The following KIT variants were observed in gnomAD, a reference collection of about 807,000 sequenced individuals.
KIT encodes KIT proto-oncogene, receptor tyrosine kinase.
KIT carries 16 observed loss-of-function variants against 105.7 expected under a neutral mutation model. That is an observed-to-expected ratio of 0.15 (90% CI 0.10 to 0.23). The LOEUF is 0.23. Ranked by LOEUF, KIT falls within the 10% of genes least tolerant of loss-of-function variation. The probability of loss-of-function intolerance (pLI) is 1.00; values close to 1 mark genes in which losing one functional copy is unlikely to be tolerated. For missense variants in KIT, 858 were observed against 1,213.8 expected, an observed-to-expected ratio of 0.71 and a Z score of 4.36; for synonymous variants, 438 against 441.1, an observed-to-expected ratio of 0.99 and a Z score of 0.09.
chr4:54,670,710 C>T (rs1718041921), intron 1 of KIT, among the ~76,000 whole-genome samples: 1 of 152,130 alleles, frequency 6.6e-6, no homozygotes, highest in Non-Finnish European at 1.5e-5. Flanking sequence ...ACTAGAACTC[C>T]TCTCTCCCAA....
rs370661908 is a variant in KIT at position 54,729,328 on chromosome 4, C to T, written c.1991-7C>T. The T allele has an allele frequency of 3.7e-6, 6 of 1,613,090 alleles. No homozygotes were observed. The African/African-American group carries it at 8.0e-5, about 22-fold the overall frequency. ...CTTCTTTCTAACCTTTTCTTATGTG[C>T]TTTTAGGGCCCACCCTGGTCATTAC... On this transcript the variant is annotated splice_polypyrimidine_tract_variant and splice_region_variant and intron_variant, in intron 13 of 20. Transcript: ENST00000288135.
chr4:54,720,302 A>T (rs1721786276), intron 7 of KIT, among the ~76,000 whole-genome samples: 1 of 152,162 alleles, frequency 6.6e-6, no homozygotes, highest in South Asian at 2.1e-4. Context: ...AAAGCTGCTC[A>T]ATTAGCCTCA....
chr4:54,690,613 G>C (rs1234309441), intron 1 of KIT, among the ~76,000 whole-genome samples: 1 of 152,174 alleles, frequency 6.6e-6, no homozygotes, highest in African/African-American at 2.4e-5. Context: ...ATTAGCCTTA[G>C]CCAAACATAA....
intron 7 of KIT, among the ~76,000 whole-genome samples, chr4:54,715,342 G>A (rs1721414132): frequency 6.9e-6 from 1 of 145,004 alleles, no homozygotes; most frequent in South Asian, 2.3e-4. Context: ...ATCCCAGGTA[G>A]ACTATCAGTG....
At chr4:54,671,490 A>G (rs994338317) in intron 1 of KIT, among the ~76,000 whole-genome samples, 5 of 152,204 alleles carry the variant, frequency 3.3e-5, no homozygotes, top group African/African-American at 1.2e-4. Context: ...CATTAGGTCT[A>G]TAGGTGGCTG....
intron 1 of KIT, among the ~76,000 whole-genome samples, chr4:54,670,736 C>G (rs997161910): frequency 2.0e-5 from 3 of 152,148 alleles, no homozygotes; most frequent in Admixed American, 2.0e-4. Flanking sequence ...GTCATAAAAC[C>G]TAGCAAGTTC....
In KIT at chr4:54,659,933, C is replaced by T. The variant is rs143160426; in HGVS notation, c.67+1852C>T. On this transcript the variant is annotated intron_variant, in intron 1 of 20. Transcript: ENST00000288135. Reference sequence around the variant, plus strand: ...AGCCTTGCTCTGTCCCCTGGGTTCTCGGTTTCTCTGCCATTTCTTGGCTGC... The same window carrying T: ...AGCCTTGCTCTGTCCCCTGGGTTCTTGGTTTCTCTGCCATTTCTTGGCTGC... Among the ~76,000 whole-genome samples, 3 of 152,096 alleles carry T rather than the reference C, an allele frequency of 2.0e-5. No individual in the cohort carries two copies. The South Asian group carries it at 6.2e-4, about 32-fold the overall frequency.
intron 1 of KIT, among the ~76,000 whole-genome samples, chr4:54,668,157 C>T (rs181456169): frequency 5.3e-5 from 8 of 152,248 alleles, no homozygotes; most frequent in East Asian, 3.9e-4. Context: ...TGGATCCCCC[C>T]GAGTCCTGTT....
chr4:54,666,950 C>T (rs2282781), intron 1 of KIT, among the ~76,000 whole-genome samples: 43,175 of 151,990 alleles, frequency 0.28, 7,312 homozygotes, highest in Admixed American at 0.4. Flanking sequence ...TTAGGTGTGG[C>T]GGGATCTAAA....
intron 1 of KIT, among the ~76,000 whole-genome samples, chr4:54,686,997 C>G (rs1265802731): frequency 6.6e-6 from 1 of 152,146 alleles, no homozygotes; most frequent in Non-Finnish European, 1.5e-5. Flanking sequence ...ATTGGAGGTA[C>G]CACTGGTTTG....
intron 2 of KIT, 69 bp downstream of exon 2, chr4:54,695,850 C>T (rs1720030640): frequency 3.8e-6 from 6 of 1,573,986 alleles, no homozygotes; most frequent in Non-Finnish European, 5.2e-6. Context: ...TTTTGGATGA[C>T]ATATGGATGA....
At chr4:54,704,575 A>G (rs765245890) in intron 5 of KIT, among the ~76,000 whole-genome samples, 4 of 152,140 alleles carry the variant, frequency 2.6e-5, no homozygotes, top group Non-Finnish European at 5.9e-5. Context: ...TTCACTAAAT[A>G]TTTATTTTCC....
chr4:54,722,063 G>A (rs1234173507), intron 7 of KIT, among the ~76,000 whole-genome samples: 1 of 152,122 alleles, frequency 6.6e-6, no homozygotes, highest in Non-Finnish European at 1.5e-5. Context: ...GGTGCTCACT[G>A]CAACCTCTGC....
At chr4:54,720,374 C>T (rs1319492223) in intron 7 of KIT, among the ~76,000 whole-genome samples, 2 of 152,160 alleles carry the variant, frequency 1.3e-5, no homozygotes, top group Non-Finnish European at 2.9e-5. Flanking sequence ...CACATGGGAA[C>T]AAGTAGGCCA....
rs189995563 is a variant in KIT, at chr4:54,739,347, A to G, written c.*790A>G. The stretch of plus-strand genomic sequence containing the variant: ...TGTATAGAAGTAGATTAAGAGCCAT[A>G]TAAGTTTGAAGGAAACAGTTAATAC... On this transcript the variant is annotated 3_prime_UTR_variant, in exon 21 of 21. Coordinates refer to ENST00000288135, the MANE Select transcript of KIT (RefSeq NM_000222.3). 6.3e-4 allele frequency: 149 copies of G among 234,820 alleles called. 1 individual carries two copies. The highest frequency in any genetic ancestry group is 2.0e-3 in the Admixed American group (35 of 17,830). The allele number at this position is 234,820 out of a possible 1,614,324, so 14.5% of individuals were successfully genotyped here. A position where few individuals can be genotyped will look rare whatever the true frequency, so the allele number is the denominator to read the frequency against.
intron 1 of KIT, among the ~76,000 whole-genome samples, chr4:54,673,302 G>A (rs929811798): frequency 1.3e-5 from 2 of 152,080 alleles, no homozygotes; most frequent in South Asian, 2.1e-4. Context: ...CCTGTATTCT[G>A]TATCTGCCAC....
intron 9 of KIT, 100 bp downstream of exon 9, chr4:54,726,150 G>C: frequency 1.1e-6 from 1 of 926,804 alleles, no homozygotes; most frequent in Non-Finnish European, 1.7e-6. Flanking sequence ...TGTCATTTCT[G>C]GTAATACATG....
intron 1 of KIT, among the ~76,000 whole-genome samples, chr4:54,670,020 T>C (rs1027383618): frequency 2.6e-5 from 4 of 152,188 alleles, no homozygotes; most frequent in African/African-American, 9.6e-5. Flanking sequence ...ACCATGTCCC[T>C]GCCCCAGTTT....
chr4:54,686,090 T>G (rs1345302983), intron 1 of KIT, among the ~76,000 whole-genome samples: 1 of 152,250 alleles, frequency 6.6e-6, no homozygotes, highest in Non-Finnish European at 1.5e-5. Context: ...GCTTTGTTAC[T>G]GATCCAGCCT....
Sources: allele counts gnomAD v4.1 joint callset (sites outside exome capture counted in the v4.1 genomes callset), GRCh38; gene constraint gnomAD v4.1.1; transcripts MANE v1.5; gene names NCBI Gene and HGNC (gene_info 2026-07-23, HGNC 2026-07-21).